The following ADCY8 variants were observed in gnomAD, a reference collection of about 807,000 sequenced individuals.
The protein encoded by ADCY8 is adenylate cyclase type 8.
A neutral mutation model predicts 119.7 loss-of-function variants in ADCY8; 51 were observed. That is an observed-to-expected ratio of 0.43 (90% CI 0.34 to 0.54). The LOEUF is 0.54. Among genes scored for constraint, ADCY8 ranks in the 20% least tolerant of loss-of-function variants. ADCY8 has a pLI of 0.03. For missense variants in ADCY8, 1,383 were observed against 1,598.8 expected (o/e 0.87, Z 2.30); for synonymous variants, 665 against 651.0 (o/e 1.02, Z -0.33).
intron 11 of ADCY8, among the ~76,000 whole-genome samples, chr8:130,846,888 T>TTTCCTTCCTTCC (rs767208726): frequency 0.042 from 825 of 19,730 alleles, 22 homozygotes; most frequent in Admixed American, 0.055. Flanking sequence ...TTCCCTTCCC[T>TTTCCTTCCTTCC]TTCCTTCCTT....
chr8:131,023,357 T>C (rs1823732582), intron 1 of ADCY8, among the ~76,000 whole-genome samples: 1 of 152,168 alleles, frequency 6.6e-6, no homozygotes, highest in South Asian at 2.1e-4. Flanking sequence ...ACATCTAAGT[T>C]AAGTCCTCAA....
In ADCY8 at chr8:130,965,378, A is replaced by T. The variant is rs538444545; in HGVS notation, c.1111-13380T>A. Among the ~76,000 whole-genome samples the T allele has an allele frequency of 3.3e-5, 5 of 152,348 alleles. No homozygotes were observed. The South Asian group carries it at 1.0e-3, about 32-fold the overall frequency. On this transcript the variant is annotated intron_variant, in intron 2 of 17. Coordinates refer to ENST00000286355, the MANE Select transcript of ADCY8 (RefSeq NM_001115.3). ...ACGTGTGAAAAACTACCTGTTGGGT[A>T]CTATGCTCACTGACTGGGTGACAAG...
chr8:130,926,772 CCACCTCTACTT>C (rs1299097317), intron 5 of ADCY8, among the ~76,000 whole-genome samples: 5 of 152,120 alleles, frequency 3.3e-5, no homozygotes, highest in Admixed American at 3.3e-4. Context: ...CTGATAATCA[CCACCTCTACTT>C]CTATGGGTTA....
chr8:130,967,405 C>T (rs1821794580), intron 2 of ADCY8, among the ~76,000 whole-genome samples: 1 of 152,222 alleles, frequency 6.6e-6, no homozygotes, highest in South Asian at 2.1e-4. Context: ...AACTCGCTTG[C>T]TCTGTAACTG....
chr8:130,966,495 C>T (rs1215792310), intron 2 of ADCY8, among the ~76,000 whole-genome samples: 1 of 152,110 alleles, frequency 6.6e-6, no homozygotes, highest in South Asian at 2.1e-4. Context: ...TAAATTGGTA[C>T]AATAAGGCTG....
intron 2 of ADCY8, among the ~76,000 whole-genome samples, chr8:130,954,217 G>GA (rs1173013956): frequency 6.6e-6 from 1 of 152,184 alleles, no homozygotes; most frequent in Non-Finnish European, 1.5e-5. Context: ...ACCAGAGTGA[G>GA]AAAAATGGAA....
intron 14 of ADCY8, among the ~76,000 whole-genome samples, chr8:130,803,568 G>A (rs899238284): frequency 6.6e-5 from 10 of 152,282 alleles, no homozygotes; most frequent in East Asian, 5.8e-4. Flanking sequence ...CCTGACCTTC[G>A]TAGGAAACAT....
intron 8 of ADCY8, among the ~76,000 whole-genome samples, chr8:130,869,939 C>CT (rs1563703091): frequency 6.8e-4 from 99 of 145,284 alleles, no homozygotes; most frequent in African/African-American, 2.4e-3. Context: ...CCTCCTCCTC[C>CT]TCTTCTTCTT....
intron 15 of ADCY8, among the ~76,000 whole-genome samples, chr8:130,789,750 C>T (rs151054300): frequency 1.6e-3 from 241 of 152,296 alleles, no homozygotes; most frequent in African/African-American, 3.8e-3. Context: ...TCCAAAGTCA[C>T]GCCTGCCTTT....
intron 15 of ADCY8, among the ~76,000 whole-genome samples, chr8:130,795,332 T>C (rs1815547226): frequency 6.6e-6 from 1 of 152,194 alleles, no homozygotes; most frequent in Non-Finnish European, 1.5e-5. Context: ...CAGGGTCCAG[T>C]GCAAAATGAA....
At chr8:130,889,179 G>T (rs1819096222) in intron 7 of ADCY8, among the ~76,000 whole-genome samples, 1 of 152,076 alleles carries the variant, frequency 6.6e-6, no homozygotes, top group African/African-American at 2.4e-5. Context: ...TGGTTCTGTG[G>T]ACCAATCAGT....
At chr8:130,796,988 C>G (rs1369330091) in intron 15 of ADCY8, among the ~76,000 whole-genome samples, 3 of 152,240 alleles carry the variant, frequency 2.0e-5, no homozygotes, top group Admixed American at 1.3e-4. Context: ...GCACTGCCCT[C>G]TTTCTCCGCT....
At chr8:130,969,387 A>C (rs764307109) in intron 2 of ADCY8, among the ~76,000 whole-genome samples, 12 of 152,170 alleles carry the variant, frequency 7.9e-5, no homozygotes, top group Non-Finnish European at 1.5e-4. Flanking sequence ...GAATGCACCA[A>C]TTCCTTAAAA....
At chr8:131,026,140 G>C (rs1029442267) in intron 1 of ADCY8, among the ~76,000 whole-genome samples, 3 of 152,158 alleles carry the variant, frequency 2.0e-5, no homozygotes, top group Admixed American at 6.5e-5. Flanking sequence ...ATGTTAAAAT[G>C]CTAACCCTAA....
intron 1 of ADCY8, among the ~76,000 whole-genome samples, chr8:131,029,884 GGGAA>G (rs1436041330): frequency 6.6e-6 from 1 of 151,678 alleles, no homozygotes; most frequent in Admixed American, 6.6e-5. Flanking sequence ...GGGTGGCTAG[GGGAA>G]GGAAGGAAAT....
intron 3 of ADCY8, among the ~76,000 whole-genome samples, chr8:130,948,871 C>T (rs1045298819): frequency 6.6e-6 from 1 of 152,024 alleles, no homozygotes; most frequent in African/African-American, 2.4e-5. Flanking sequence ...ATTTTAGCAC[C>T]CTGCAGCCTC....
chr8:130,983,823 T>C (rs1334467040), intron 2 of ADCY8, among the ~76,000 whole-genome samples: 1 of 152,154 alleles, frequency 6.6e-6, no homozygotes, highest in Non-Finnish European at 1.5e-5. Context: ...ATGAACCAAC[T>C]GAGAAATAGA....
chr8:130,870,264 G>A (rs528744617), intron 8 of ADCY8, among the ~76,000 whole-genome samples: 5 of 151,826 alleles, frequency 3.3e-5, no homozygotes, highest in African/African-American at 9.7e-5. Flanking sequence ...CGCCCACCTC[G>A]GCCTCCTAAA....
At chr8:130,800,730 T>C (rs751809344) in intron 14 of ADCY8, among the ~76,000 whole-genome samples, 158 bp from the exon 15 acceptor site, 6 of 152,182 alleles carry the variant, frequency 3.9e-5, no homozygotes, top group Non-Finnish European at 5.9e-5. Flanking sequence ...TGTGTTTTAG[T>C]CCATGTGGGC....
Sources: gnomAD v4.1 joint callset for allele counts (sites outside exome capture counted in the v4.1 genomes callset) on GRCh38, gnomAD v4.1.1 for gene constraint, MANE v1.5 for transcripts, NCBI Gene and HGNC (gene_info 2026-07-23, HGNC 2026-07-21) for gene names.